The following DRC7 variants were observed in gnomAD, a reference collection of about 807,000 sequenced individuals.
The protein encoded by DRC7 is coiled-coil domain containing 135.
A neutral mutation model predicts 104.4 loss-of-function variants in DRC7; 80 were observed. The observed-to-expected ratio is 0.77, with a 90% CI of 0.64 to 0.92. DRC7 has a LOEUF of 0.92. Ranked by LOEUF, DRC7 falls within the 40% of genes least tolerant of loss-of-function variation. DRC7 has a pLI of 0.00. For synonymous variants in DRC7, 405 were observed against 447.3 expected (o/e 0.91, Z 1.19); for missense variants, 1,034 against 1,141.1 (o/e 0.91, Z 1.35).
intron 12 of DRC7, among the ~76,000 whole-genome samples, chr16:57,723,339 A>G (rs746476921): frequency 1.9e-4 from 29 of 152,154 alleles, no homozygotes; most frequent in Admixed American, 3.3e-4. Flanking sequence ...AAATATAACA[A>G]ATGCTCCTCC....
chr16:57,705,757 C>CACATCCATCCTCCCAT (rs2048711550), intron 7 of DRC7, among the ~76,000 whole-genome samples: 1 of 56,018 alleles, frequency 1.8e-5, no homozygotes, highest in African/African-American at 1.1e-4. Flanking sequence ...GATCTCTCCT[C>CACATCCATCCTCCCAT]CCATCCATCC....
At chr16:57,730,374 CGGTT>C (rs1326769628) in intron 17 of DRC7, among the ~76,000 whole-genome samples, 2 of 148,720 alleles carry the variant, frequency 1.3e-5, no homozygotes, top group Non-Finnish European at 1.5e-5. Context: ...GATAGATGGA[CGGTT>C]GGATGGATGA....
chr16:57,726,302 GC>G lies in DRC7; in HGVS notation c.1974+20del. On this transcript the variant is annotated intron_variant, in intron 14 of 18. Coordinates refer to ENST00000360716, the MANE Select transcript of DRC7 (RefSeq NM_001289162.2). ...CTTCGAGGTGGGCCTGGGGGCCACG[GC>G]GGGCAGGGGTCGGCTGCAGGAGGAA... 6.3e-7 allele frequency: 1 copy of G among 1,597,950 alleles called. No individual in the cohort carries two copies. Among genetic ancestry groups the G allele is most frequent in the Non-Finnish European group, 8.6e-7 (1 of 1,167,312 alleles).
intron 7 of DRC7, among the ~76,000 whole-genome samples, chr16:57,706,353 T>G (rs2048727070): frequency 7.2e-6 from 1 of 139,736 alleles, no homozygotes; most frequent in South Asian, 2.4e-4. Flanking sequence ...CAACCCATCC[T>G]CCCATCTGTC....
At chr16:57,724,463 A>G in intron 12 of DRC7, 152 bp from the exon 13 acceptor site, 1 of 555,090 alleles carries the variant, frequency 1.8e-6, no homozygotes, top group East Asian at 2.8e-5. Flanking sequence ...ACGCAACCTA[A>G]ACACCCAGCA....
At position 57,709,414 on chromosome 16, in the gene DRC7, C is replaced by T. The variant is rs370090290; in HGVS notation, c.1077+1736C>T. ...TGTCTCAGTCCTGATTCACAAGTAA[C>T]GCCTTAGTATCATAACATTTCACTA... is the stretch of plus-strand genomic sequence containing the variant. On this transcript the variant is annotated intron_variant, in intron 8 of 18. Coordinates refer to ENST00000360716, the MANE Select transcript of DRC7 (RefSeq NM_001289162.2). Among the ~76,000 whole-genome samples, 163 of 152,248 alleles carry T rather than the reference C, an allele frequency of 1.1e-3. 3 individuals carry two copies. The South Asian group carries it at 0.033, about 30-fold the overall frequency.
intron 6 of DRC7, 49 bp downstream of exon 6, chr16:57,702,179 C>T (rs376364497): frequency 3.0e-5 from 47 of 1,589,114 alleles, no homozygotes; most frequent in Non-Finnish European, 3.5e-5. Flanking sequence ...TGAACATTCC[C>T]GGTGCTGTCG....
At chr16:57,704,777 C>G in intron 6 of DRC7, 99 bp from the exon 7 acceptor site, 1 of 1,404,678 alleles carries the variant, frequency 7.1e-7, no homozygotes, top group Non-Finnish European at 9.7e-7. Context: ...TGCCATCCCC[C>G]GGTCTGAGGG....
intron 9 of DRC7, among the ~76,000 whole-genome samples, chr16:57,719,960 C>T (rs1353050903): frequency 6.6e-6 from 1 of 152,162 alleles, no homozygotes; most frequent in Non-Finnish European, 1.5e-5. Flanking sequence ...ATAAATAAAA[C>T]AAATACAGTC....
chr16:57,712,777 C>T (rs1215192414), intron 8 of DRC7, among the ~76,000 whole-genome samples: 13 of 152,100 alleles, frequency 8.5e-5, no homozygotes, highest in Non-Finnish European at 1.5e-5. Flanking sequence ...AAGCGATTCT[C>T]CTGGCTCAGC....
chr16:57,700,061 C>A, intron 4 of DRC7, 84 bp from the exon 5 acceptor site: 1 of 1,500,562 alleles, frequency 6.7e-7, no homozygotes. Flanking sequence ...CTAGGGTCCC[C>A]CTGTGGATTC....
At chr16:57,728,249 T>C (rs1452207987) in intron 16 of DRC7, 141 bp from the exon 17 acceptor site, 5 of 712,048 alleles carry the variant, frequency 7.0e-6, no homozygotes, top group Non-Finnish European at 1.1e-5. Flanking sequence ...TGTGGGCCCT[T>C]CTAAGGCCCA....
rs756612744 is a variant in DRC7, at chr16:57,705,014, G to A, written c.838G>A (p.Glu280Lys). The change falls in exon 7 of 19, where the codon GAG becomes AAG. Residue 280 changes from glutamate to lysine, a missense_variant. By Grantham distance (56) the Glu-to-Lys change is moderately conservative (BLOSUM62 1). Transcript: ENST00000360716. ...IRAQEKKRLR[E>K]EEERLMEAEK... ...AGCCCAGGAGAAGAAGCGGCTGAGG[G>A]AGGAGGAGGAGCGCCTCATGGTGGG... is the stretch of plus-strand genomic sequence containing the variant. 7.4e-6 allele frequency: 12 copies of A among 1,612,228 alleles called. No homozygotes were observed. Among genetic ancestry groups the A allele is most frequent in the Non-Finnish European group, 1.0e-5 (12 of 1,179,756 alleles).
intron 14 of DRC7, 141 bp downstream of exon 14, chr16:57,726,424 C>T: frequency 2.8e-6 from 2 of 709,704 alleles, no homozygotes; most frequent in Non-Finnish European, 4.7e-6. Context: ...TTGGGAAAAC[C>T]AAAAGTTCCC....
chr16:57,696,000 G>A (rs1877909678), intron 1 of DRC7, among the ~76,000 whole-genome samples: 2 of 152,206 alleles, frequency 1.3e-5, no homozygotes, highest in South Asian at 2.1e-4. Flanking sequence ...AGGGAAGTGG[G>A]GGATGATTAG....
chr16:57,727,256 G>C (rs1325211490), intron 15 of DRC7, 43 bp from the exon 16 acceptor site: 1 of 1,495,840 alleles, frequency 6.7e-7, no homozygotes, highest in Admixed American at 1.7e-5. Context: ...CAGGAGTGGA[G>C]GAGGGGTGTC....
chr16:57,731,541 T>C lies in DRC7; in HGVS notation c.*283T>C, dbSNP rs2049062068. On this transcript the variant is annotated 3_prime_UTR_variant, in exon 19 of 19. Coordinates refer to ENST00000360716, the MANE Select transcript of DRC7 (RefSeq NM_001289162.2). ...CCTGGGACCACCCCCTTCCTCCCCTTGGCCTGTCGTTTGCTTCCTGTCCTT... is the reference window on the plus strand; with the variant it reads ...CCTGGGACCACCCCCTTCCTCCCCTCGGCCTGTCGTTTGCTTCCTGTCCTT... The C allele has an allele frequency of 4.3e-6, 2 of 465,558 alleles. No individual in the cohort carries two copies. Among genetic ancestry groups the C allele is most frequent in the Non-Finnish European group, 7.8e-6 (2 of 257,334 alleles). The allele number at this position is 465,558 out of a possible 1,614,324, so 28.8% of individuals were successfully genotyped here. A position where few individuals can be genotyped will look rare whatever the true frequency, so the allele number is the denominator to read the frequency against.
intron 12 of DRC7, 125 bp downstream of exon 12, chr16:57,723,255 G>A (rs1210535569): frequency 4.4e-6 from 5 of 1,137,128 alleles, no homozygotes; most frequent in Non-Finnish European, 6.2e-6. Flanking sequence ...TGGGCAGCAA[G>A]CAGTAGAAGC....
intron 5 of DRC7, among the ~76,000 whole-genome samples, chr16:57,700,815 G>GC (rs1401984664): frequency 6.6e-6 from 1 of 152,052 alleles, no homozygotes; most frequent in Non-Finnish European, 1.5e-5. Context: ...TCCCTCCCCT[G>GC]GTTCCTCACA....
Sources: gnomAD v4.1 joint callset for allele counts (sites outside exome capture counted in the v4.1 genomes callset) on GRCh38, gnomAD v4.1.1 for gene constraint, MANE v1.5 for transcripts, NCBI Gene and HGNC (gene_info 2026-07-23, HGNC 2026-07-21) for gene names.